CSMD1: variants seen among roughly 807,000 people sequenced by gnomAD.
CSMD1 encodes the protein CUB and Sushi multiple domains 1, also known as CUB and sushi domain-containing protein 1.
A neutral mutation model predicts 417.5 loss-of-function variants in CSMD1; 213 were observed. The observed-to-expected ratio is 0.51, with a 90% CI of 0.46 to 0.57. CSMD1 has a LOEUF of 0.57. CSMD1 is among the 20% of genes least tolerant of loss of function. The pLI is 0.00. For synonymous variants in CSMD1, 2,862 were observed against 1,736.8 expected (o/e 1.65, Z -16.11); for missense variants, 6,923 against 4,529.7 (o/e 1.53, Z -15.17).
At chr8:3,764,541 G>A (rs1397495728) in intron 5 of CSMD1, among the ~76,000 whole-genome samples, 1 of 152,016 alleles carries the variant, frequency 6.6e-6, no homozygotes, top group African/African-American at 2.4e-5. Flanking sequence ...TCACCAGGTG[G>A]GGAGTACAGG....
chr8:3,319,881 G>C (rs1218216045), intron 23 of CSMD1, among the ~76,000 whole-genome samples: 1 of 152,030 alleles, frequency 6.6e-6, no homozygotes, highest in African/African-American at 2.4e-5. Flanking sequence ...TCTTAGATGG[G>C]AATATCAAAT....
At chr8:4,087,854 G>A (rs529100615) in intron 3 of CSMD1, among the ~76,000 whole-genome samples, 61 of 151,606 alleles carry the variant, frequency 4.0e-4, no homozygotes, top group Non-Finnish European at 7.2e-4. Context: ...CCTACCTTAC[G>A]TGACCTAGGT....
intron 10 of CSMD1, among the ~76,000 whole-genome samples, chr8:3,537,426 A>G (rs1798251397): frequency 6.6e-6 from 1 of 152,228 alleles, no homozygotes; most frequent in Non-Finnish European, 1.5e-5. Context: ...CACCTGTTGC[A>G]TTCCAAAAAT....
chr8:4,329,347 G>A (rs1010929270), intron 3 of CSMD1, among the ~76,000 whole-genome samples: 3 of 152,142 alleles, frequency 2.0e-5, no homozygotes, highest in African/African-American at 7.2e-5. Flanking sequence ...GGAGTGCAGT[G>A]ATGCATTCTC....
intron 1 of CSMD1, among the ~76,000 whole-genome samples, chr8:4,656,426 T>C (rs1267549778): frequency 6.6e-6 from 1 of 152,052 alleles, no homozygotes; most frequent in Non-Finnish European, 1.5e-5. Context: ...TAATGTATCA[T>C]TATATTATCC....
chr8:3,019,823 T>C (rs1809205376), intron 51 of CSMD1, among the ~76,000 whole-genome samples: 1 of 152,224 alleles, frequency 6.6e-6, no homozygotes. Context: ...GCACAGAAGA[T>C]CATGGCCTCT....
chr8:3,109,288 A>C (rs1046306857), intron 43 of CSMD1, among the ~76,000 whole-genome samples: 2 of 152,288 alleles, frequency 1.3e-5, no homozygotes, highest in Middle Eastern at 3.4e-3. Flanking sequence ...TAAAAAAATA[A>C]AATAAAAATG....
intron 2 of CSMD1, among the ~76,000 whole-genome samples, chr8:4,441,285 T>G (rs187347): frequency 0.24 from 26,853 of 110,238 alleles, 3,997 homozygotes; most frequent in Non-Finnish European, 0.36. Context: ...TTTTTTTTGG[T>G]GGGGGGAGTA....
chr8:4,389,182 G>A (rs1426091070), intron 3 of CSMD1, among the ~76,000 whole-genome samples: 2 of 152,090 alleles, frequency 1.3e-5, no homozygotes, highest in Non-Finnish European at 2.9e-5. Flanking sequence ...AACATCAACT[G>A]GCCTGTTACT....
At chr8:3,629,628 A>G (rs1296307937) in intron 7 of CSMD1, among the ~76,000 whole-genome samples, 1 of 152,174 alleles carries the variant, frequency 6.6e-6, no homozygotes, top group African/African-American at 2.4e-5. Context: ...TGATTCCTAT[A>G]CTCAGGATTA....
At chr8:4,400,760 A>G (rs766856332) in intron 3 of CSMD1, among the ~76,000 whole-genome samples, 6 of 110,958 alleles carry the variant, frequency 5.4e-5, no homozygotes, top group Admixed American at 1.0e-4. Context: ...CATACAGATC[A>G]GTTTTTTTTT....
chr8:4,788,390 G>A (rs1388509314), intron 1 of CSMD1: 7 of 1,403,780 alleles, frequency 5.0e-6, no homozygotes, highest in Non-Finnish European at 6.0e-6. Flanking sequence ...GGGGAGCTCA[G>A]GATGTGTGGT....
intron 3 of CSMD1, among the ~76,000 whole-genome samples, chr8:4,256,404 T>C (rs192020990): frequency 6.6e-6 from 1 of 152,318 alleles, no homozygotes; most frequent in Admixed American, 6.5e-5. Context: ...AATTTCTCTT[T>C]TCTCCTCTGA....
chr8:2,941,495 G>A (rs1741834552), intron 69 of CSMD1, among the ~76,000 whole-genome samples: 1 of 152,100 alleles, frequency 6.6e-6, no homozygotes, highest in Admixed American at 6.5e-5. Context: ...GTATTTTAGA[G>A]TAGTTTGGCA....
chr8:3,963,456 G>A (rs1812460759), intron 5 of CSMD1, among the ~76,000 whole-genome samples: 1 of 152,078 alleles, frequency 6.6e-6, no homozygotes, highest in Non-Finnish European at 1.5e-5. Flanking sequence ...AACTTAAGGT[G>A]AATGAATGCC....
intron 5 of CSMD1, among the ~76,000 whole-genome samples, chr8:3,769,024 G>A (rs1356376702): frequency 6.6e-6 from 1 of 152,262 alleles, no homozygotes; most frequent in Non-Finnish European, 1.5e-5. Context: ...GAGGGCGTTA[G>A]TTGCTTTTGG....
At chr8:3,664,259 C>T (rs1226452916) in intron 7 of CSMD1, among the ~76,000 whole-genome samples, 2 of 152,082 alleles carry the variant, frequency 1.3e-5, no homozygotes, top group Non-Finnish European at 2.9e-5. Flanking sequence ...GTTCAATTCC[C>T]ACCTATGAGA....
At chr8:3,894,220 C>T (rs114504887) in intron 5 of CSMD1, among the ~76,000 whole-genome samples, 2,704 of 152,186 alleles carry the variant, frequency 0.018, 37 homozygotes, top group Middle Eastern at 0.058. Flanking sequence ...AAGACAAGAA[C>T]GCAGGTATCA....
At chr8:3,151,316 A>T in intron 40 of CSMD1, 81 bp downstream of exon 40, 1 of 838,428 alleles carries the variant, frequency 1.2e-6, no homozygotes, top group Non-Finnish European at 2.0e-6. Flanking sequence ...CAACAGAATA[A>T]GGCATTTTAT....
Sources: gnomAD v4.1 joint callset for allele counts (sites outside exome capture counted in the v4.1 genomes callset) on GRCh38, gnomAD v4.1.1 for gene constraint, MANE v1.5 for transcripts, NCBI Gene and HGNC (gene_info 2026-07-23, HGNC 2026-07-21) for gene names.